Variants in KCNK2 observed in about 807,000 individuals in gnomAD.
KCNK2 encodes the protein potassium channel subfamily K member 2.
In KCNK2, 21 loss-of-function variants were observed where a neutral mutation model predicts 40.5. The observed-to-expected ratio is 0.52, with a 90% CI of 0.37 to 0.75. The LOEUF (loss-of-function observed/expected upper bound fraction) is 0.75, where lower values mean the gene tolerates loss of function less well. Ranked by LOEUF, KCNK2 falls within the 30% of genes least tolerant of loss-of-function variation. The probability of loss-of-function intolerance (pLI) is 0.00; values close to 1 mark genes in which losing one functional copy is unlikely to be tolerated. For synonymous variants in KCNK2, 191 were observed against 202.2 expected (o/e 0.94, Z 0.47); for missense variants, 399 against 531.6 (o/e 0.75, Z 2.45).
intron 2 of KCNK2, among the ~76,000 whole-genome samples, chr1:215,110,452 C>T (rs1660634097): frequency 6.6e-6 from 1 of 151,954 alleles, no homozygotes; most frequent in South Asian, 2.1e-4. Flanking sequence ...TTTCTCAAAA[C>T]TATTTATTGA....
At chr1:215,168,746 A>G (rs752505461) in intron 3 of KCNK2, among the ~76,000 whole-genome samples, 1 of 152,152 alleles carries the variant, frequency 6.6e-6, no homozygotes, top group Admixed American at 6.6e-5. Flanking sequence ...CAAATAGCTA[A>G]TGTATGCAGG....
rs1399337773 is a variant in KCNK2, at chr1:215,234,945, A to G, written c.1081A>G (p.Ile361Val). The G allele has an allele frequency of 1.9e-6, 3 of 1,614,108 alleles. No homozygotes were observed. Among genetic ancestry groups the G allele is most frequent in the Non-Finnish European group, 2.5e-6 (3 of 1,180,004 alleles). The change falls in exon 7 of 7, where the codon ATC becomes GTC. Residue 361 changes from isoleucine (I) to valine (V), a missense_variant. Coordinates refer to ENST00000444842, the MANE Select transcript of KCNK2 (RefSeq NM_001017425.3). ...TGACAAGTTCCAGCGGGCCACCTCCATCAAGCGGAAGCTCTCGGCAGAACT... is the reference window on the plus strand; with the variant it reads ...TGACAAGTTCCAGCGGGCCACCTCCGTCAAGCGGAAGCTCTCGGCAGAACT... ...IYDKFQRATS[I>V]KRKLSAELAG... is the part of the protein sequence containing the mutation.
intron 1 of KCNK2, among the ~76,000 whole-genome samples, chr1:215,057,857 T>TA (rs1658223242): frequency 6.6e-6 from 1 of 152,128 alleles, no homozygotes; most frequent in South Asian, 2.1e-4. Flanking sequence ...CAAAGGGGGT[T>TA]AATCATATCT....
At chr1:215,170,739 A>C (rs1663671262) in intron 4 of KCNK2, among the ~76,000 whole-genome samples, 1 of 152,130 alleles carries the variant, frequency 6.6e-6, no homozygotes, top group African/African-American at 2.4e-5. Context: ...TTTATTTAAA[A>C]GAATTATCTG....
intron 3 of KCNK2, among the ~76,000 whole-genome samples, chr1:215,164,344 A>T (rs12138497): frequency 0.64 from 97,737 of 151,758 alleles, 32,840 homozygotes; most frequent in Non-Finnish European, 0.75. Flanking sequence ...TGGTCTATTT[A>T]GTTAATCTTT....
chr1:215,195,376 T>G (rs1343406122), intron 6 of KCNK2, among the ~76,000 whole-genome samples: 1 of 148,348 alleles, frequency 6.7e-6, no homozygotes, highest in East Asian at 2.0e-4. Context: ...TTTTTTTTTG[T>G]TTTCTTTCTT....
At chr1:215,011,977 A>T (rs1656414815) in intron 1 of KCNK2, among the ~76,000 whole-genome samples, 1 of 152,070 alleles carries the variant, frequency 6.6e-6, no homozygotes, top group African/African-American at 2.4e-5. Context: ...GTGTGTGTAT[A>T]TCAGTAGTTT....
At chr1:215,232,491 T>C (rs530201083) in intron 6 of KCNK2, among the ~76,000 whole-genome samples, 50 of 152,300 alleles carry the variant, frequency 3.3e-4, no homozygotes, top group Middle Eastern at 3.4e-3. Context: ...ATCATTGTGT[T>C]ATGAGATTAC....
intron 4 of KCNK2, among the ~76,000 whole-genome samples, chr1:215,169,943 G>GC (rs1292381819): frequency 6.6e-6 from 1 of 152,078 alleles, no homozygotes; most frequent in Non-Finnish European, 1.5e-5. Flanking sequence ...ACCGTGCCCA[G>GC]CCAGATTTAA....
intron 6 of KCNK2, among the ~76,000 whole-genome samples, chr1:215,222,092 A>C (rs890506886): frequency 2.0e-5 from 3 of 152,068 alleles, no homozygotes; most frequent in African/African-American, 7.2e-5. Context: ...CAGATCTCGT[A>C]AGAACCCAAT....
At chr1:215,011,378 C>T (rs1035834681) in intron 1 of KCNK2, among the ~76,000 whole-genome samples, 1 of 152,128 alleles carries the variant, frequency 6.6e-6, no homozygotes, top group South Asian at 2.1e-4. Flanking sequence ...ACTGCATCCT[C>T]GACCTCCTGG....
chr1:215,112,334 C>T (rs1558096408), intron 2 of KCNK2, among the ~76,000 whole-genome samples: 1 of 148,154 alleles, frequency 6.7e-6, no homozygotes. Context: ...TTTTAAAGTG[C>T]TTAAAAAGTT....
intron 1 of KCNK2, among the ~76,000 whole-genome samples, chr1:215,084,850 T>A (rs1190183815): frequency 6.6e-6 from 1 of 152,228 alleles, no homozygotes; most frequent in Admixed American, 6.5e-5. Flanking sequence ...TAATTTCATC[T>A]CTTCCAAATC....
intron 1 of KCNK2, among the ~76,000 whole-genome samples, chr1:215,026,242 A>C (rs748397996): frequency 1.3e-5 from 2 of 152,002 alleles, no homozygotes; most frequent in Non-Finnish European, 2.9e-5. Context: ...ATATAATTGT[A>C]GCTTTTAAAC....
intron 6 of KCNK2, among the ~76,000 whole-genome samples, chr1:215,206,442 C>T (rs1032328912): frequency 1.3e-5 from 2 of 152,012 alleles, no homozygotes; most frequent in African/African-American, 4.8e-5. Flanking sequence ...CTCATATTTC[C>T]AAGTACTATA....
chr1:215,090,618 G>A (rs2885816), intron 2 of KCNK2, among the ~76,000 whole-genome samples: 71,867 of 151,978 alleles, frequency 0.47, 20,441 homozygotes, highest in Non-Finnish European at 0.62. Flanking sequence ...AGACATATCT[G>A]GTCTTCATTT....
rs140757255 is a variant in KCNK2 at position 215,106,000 on chromosome 1, G to A, written c.358-18633G>A. On this transcript the variant is annotated intron_variant, in intron 2 of 6. Coordinates refer to ENST00000444842, the MANE Select transcript of KCNK2 (RefSeq NM_001017425.3). ...TTCTTATTCAATCTACTATTGACAG[G>A]CACCTAGATTGATTACATGGCTTTG... 1.2e-3 allele frequency among the ~76,000 whole-genome samples: 183 copies of A among 152,080 alleles called. 2 individuals are homozygous for A. The highest frequency in any genetic ancestry group is 0.011 in the Admixed American group (162 of 15,242).
chr1:215,063,813 C>T (rs552358964), intron 1 of KCNK2, among the ~76,000 whole-genome samples: 20 of 152,010 alleles, frequency 1.3e-4, no homozygotes, highest in South Asian at 4.1e-4. Context: ...GCATTAGAAC[C>T]GGAGGGATAG....
chr1:215,150,274 G>C (rs1036049074), intron 3 of KCNK2, among the ~76,000 whole-genome samples: 3 of 152,016 alleles, frequency 2.0e-5, no homozygotes, highest in African/African-American at 7.2e-5. Flanking sequence ...TAATCAGAGG[G>C]GACCAATAGG....
Sources: gnomAD v4.1 joint callset for allele counts (sites outside exome capture counted in the v4.1 genomes callset) on GRCh38, gnomAD v4.1.1 for gene constraint, MANE v1.5 for transcripts, NCBI Gene and HGNC (gene_info 2026-07-23, HGNC 2026-07-21) for gene names.